AOAH: variants seen among roughly 807,000 people sequenced by gnomAD.
AOAH encodes the protein acyloxyacyl hydrolase (neutrophil).
In AOAH, 64 loss-of-function variants were observed where a neutral mutation model predicts 92.2. The observed-to-expected ratio is 0.69, with a 90% CI of 0.57 to 0.86. The LOEUF is 0.86. Ranked by LOEUF, AOAH falls within the 40% of genes least tolerant of loss-of-function variation. The pLI is 0.00. For missense variants in AOAH, 656 were observed against 694.6 expected (o/e 0.94, Z 0.62); for synonymous variants, 263 against 254.5 (o/e 1.03, Z -0.32).
chr7:36,573,525 C>A (rs960677422), intron 13 of AOAH, among the ~76,000 whole-genome samples: 3 of 152,168 alleles, frequency 2.0e-5, no homozygotes, highest in Admixed American at 2.0e-4. Flanking sequence ...TGAGACCAGT[C>A]TGGCCAACAT....
At chr7:36,514,161 G>A (rs1790201840) in intron 20 of AOAH, among the ~76,000 whole-genome samples, 1 of 152,168 alleles carries the variant, frequency 6.6e-6, no homozygotes, top group African/African-American at 2.4e-5. Flanking sequence ...GTCTGGTGGG[G>A]GAAGGGGTGG....
chr7:36,591,674 T>A (rs1035326392), intron 12 of AOAH, among the ~76,000 whole-genome samples: 2 of 152,222 alleles, frequency 1.3e-5, no homozygotes, highest in Admixed American at 6.5e-5. Context: ...TTTACATTGA[T>A]AAGGGAGTAA....
chr7:36,582,386 C>G (rs1788992890), intron 12 of AOAH, among the ~76,000 whole-genome samples: 1 of 152,324 alleles, frequency 6.6e-6, no homozygotes, highest in Non-Finnish European at 1.5e-5. Context: ...GTCACGTTAA[C>G]TTTCCAGTTT....
At chr7:36,609,296 G>T (rs2718182) in intron 11 of AOAH, among the ~76,000 whole-genome samples, 102,545 of 152,040 alleles carry the variant, frequency 0.67, 34,791 homozygotes, top group African/African-American at 0.76. Flanking sequence ...CCTGATCCCC[G>T]CTCTCCCCCT....
intron 3 of AOAH, among the ~76,000 whole-genome samples, chr7:36,668,346 G>A (rs1795690221): frequency 6.6e-6 from 1 of 152,174 alleles, no homozygotes; most frequent in Non-Finnish European, 1.5e-5. Flanking sequence ...CCAGCAATTT[G>A]TCTATTACAG....
At chr7:36,632,581 C>T (rs994911957) in intron 5 of AOAH, among the ~76,000 whole-genome samples, 8 of 152,284 alleles carry the variant, frequency 5.3e-5, no homozygotes, top group Non-Finnish European at 1.2e-4. Flanking sequence ...GCTTCTTGAG[C>T]TGTGGGTTTC....
chr7:36,534,020 G>A (rs1784859785), intron 16 of AOAH, among the ~76,000 whole-genome samples: 3 of 152,078 alleles, frequency 2.0e-5, no homozygotes, highest in Admixed American at 1.3e-4. Context: ...TCCCCCTGAG[G>A]GGCGGCATCT....
chr7:36,690,163 G>T, intron 1 of AOAH: 1 of 454,966 alleles, frequency 2.2e-6, no homozygotes, highest in Non-Finnish European at 4.4e-6. Context: ...GACAGTTGTG[G>T]CTTCTCAGCA....
At chr7:36,672,972 T>A (rs1462403699) in intron 3 of AOAH, among the ~76,000 whole-genome samples, 1 of 152,044 alleles carries the variant, frequency 6.6e-6, no homozygotes, top group Non-Finnish European at 1.5e-5. Context: ...ATTTTTTTTA[T>A]AGAAAGCAGA....
intron 1 of AOAH, among the ~76,000 whole-genome samples, chr7:36,715,910 T>C (rs1265786616): frequency 1.3e-5 from 2 of 152,052 alleles, no homozygotes; most frequent in African/African-American, 2.4e-5. Context: ...AGGACATAGG[T>C]GTGGGCAAGG....
In AOAH at chr7:36,522,029, C is replaced by T; in HGVS notation, c.1599+10G>A. ...ATAGCCTTCTGCAGCCACCATGTGACTGTGCTTACCTCGTTGGGGTGGAAT... is the reference window on the plus strand; with the variant it reads ...ATAGCCTTCTGCAGCCACCATGTGATTGTGCTTACCTCGTTGGGGTGGAAT... On this transcript the variant is annotated intron_variant, in intron 20 of 20. Transcript: ENST00000617537. The T allele has an allele frequency of 1.2e-6, 2 of 1,613,312 alleles. No individual in the cohort carries two copies. Among genetic ancestry groups the T allele is most frequent in the East Asian group, 2.2e-5 (1 of 44,888 alleles).
At chr7:36,689,276 A>C (rs142202883) in intron 1 of AOAH, among the ~76,000 whole-genome samples, 219 of 152,332 alleles carry the variant, frequency 1.4e-3, no homozygotes, top group African/African-American at 5.1e-3. Flanking sequence ...CTCACAATCA[A>C]GGAAGAATAT....
In AOAH at chr7:36,530,504, T is replaced by G. The variant is rs762081334; in HGVS notation, c.1436A>C (p.Gln479Pro). The G allele has an allele frequency of 1.9e-6, 3 of 1,611,130 alleles. No individual in the cohort carries two copies. Among genetic ancestry groups the G allele is most frequent in the Non-Finnish European group, 1.7e-6 (2 of 1,177,292 alleles). The change falls in exon 19 of 21, where the codon CAA becomes CCA. Residue 479 changes from glutamine (Q) to proline (P), a missense_variant. Transcript: ENST00000617537. ...LRTLTSERAE[Q>P]LSNTLKKIAA... The stretch of plus-strand genomic sequence containing the variant: ...AATTTTTTTCAGTGTGTTGGAGAGT[T>G]GCTCTGCTCTCTGAAGAGAGAGGAA...
intron 1 of AOAH, among the ~76,000 whole-genome samples, chr7:36,691,930 G>A (rs939207830): frequency 7.9e-5 from 12 of 152,150 alleles, no homozygotes; most frequent in African/African-American, 2.2e-4. Context: ...ACGGAAAACC[G>A]AGGTGCTTCA....
At chr7:36,663,115 C>T (rs1012653144) in intron 3 of AOAH, among the ~76,000 whole-genome samples, 4 of 152,132 alleles carry the variant, frequency 2.6e-5, no homozygotes, top group Admixed American at 6.5e-5. Flanking sequence ...CCTAGAGCAG[C>T]AAATAAAGCC....
At chr7:36,648,615 GT>G (rs1006537872) in intron 4 of AOAH, among the ~76,000 whole-genome samples, 23 of 145,176 alleles carry the variant, frequency 1.6e-4, no homozygotes, top group African/African-American at 5.8e-4. Context: ...AATTGCTCAG[GT>G]TTTTTATGGT....
intron 1 of AOAH, among the ~76,000 whole-genome samples, chr7:36,709,738 A>G (rs10237884): frequency 0.013 from 1,991 of 152,200 alleles, 49 homozygotes; most frequent in African/African-American, 0.046. Flanking sequence ...CCTAACATTG[A>G]AAAACAACTG....
In AOAH at chr7:36,641,949, T is replaced by C. The variant is rs114594610; in HGVS notation, c.391-4039A>G. 7.2e-3 allele frequency among the ~76,000 whole-genome samples: 1,102 copies of C among 152,238 alleles called. 18 individuals carry two copies. Among genetic ancestry groups the C allele is most frequent in the African/African-American group, 0.025 (1,030 of 41,546 alleles). ...CCACGGTGGCTCACTAAAACACTTC[T>C]GTCTAGAATGATTTAAGCGTCTACC... On this transcript the variant is annotated intron_variant, in intron 4 of 20. Coordinates refer to ENST00000617537, the MANE Select transcript of AOAH (RefSeq NM_001637.4).
In AOAH at chr7:36,674,017, A is replaced by G; in HGVS notation, c.224-8T>C. ...TTTTCAAGAACAGTTTTTCTAAAAAATATAAAGAGGGAAATTGAATATATT... is the reference window on the plus strand; with the variant it reads ...TTTTCAAGAACAGTTTTTCTAAAAAGTATAAAGAGGGAAATTGAATATATT... On this transcript the variant is annotated splice_polypyrimidine_tract_variant and splice_region_variant and intron_variant, in intron 2 of 20. Transcript: ENST00000617537. 6.4e-7 allele frequency: 1 copy of G among 1,555,176 alleles called. No homozygotes were observed. Among genetic ancestry groups the G allele is most frequent in the Non-Finnish European group, 8.9e-7 (1 of 1,127,550 alleles).
Sources: gnomAD v4.1 joint callset for allele counts (sites outside exome capture counted in the v4.1 genomes callset) on GRCh38, gnomAD v4.1.1 for gene constraint, MANE v1.5 for transcripts, NCBI Gene and HGNC (gene_info 2026-07-23, HGNC 2026-07-21) for gene names.